The following TBL1X variants were observed in gnomAD, a reference collection of about 807,000 sequenced individuals.
TBL1X encodes the protein transducin beta like 1 X-linked.
In TBL1X, 10 loss-of-function variants were observed where a neutral mutation model predicts 50.7. That is an observed-to-expected ratio of 0.20 (90% confidence interval 0.12 to 0.33). TBL1X has a LOEUF of 0.33. Ranked by LOEUF, TBL1X falls within the 10% of genes least tolerant of loss-of-function variation. TBL1X has a pLI of 1.00. For synonymous variants in TBL1X, 190 were observed against 214.7 expected, an observed-to-expected ratio of 0.88 and a Z score of 1.01; for missense variants, 340 against 504.4, an observed-to-expected ratio of 0.67 and a Z score of 3.12.
intron 1 of TBL1X, among the ~76,000 whole-genome samples, chrX:9,492,878 T>TA (rs1246479874): frequency 0.029 from 1,493 of 50,852 alleles, 63 homozygotes; most frequent in African/African-American, 0.083. Flanking sequence ...TGTGTGTGTG[T>TA]GTGTGTGTGT....
chrX:9,650,925 A>G (rs888140465), intron 3 of TBL1X, among the ~76,000 whole-genome samples: 1 of 106,826 alleles, frequency 9.4e-6, no homozygotes, highest in Non-Finnish European at 1.9e-5. Flanking sequence ...TTCCTTATCT[A>G]CCGTCTTTCA....
At position 9,684,204 on chromosome X, in the gene TBL1X, GC is replaced by G; in HGVS notation, c.357+19del. The G allele has an allele frequency of 8.3e-7, 1 of 1,210,995 alleles. No homozygotes were observed. The highest frequency in any genetic ancestry group is 1.7e-5 in the African/African-American group (1 of 57,783). On this transcript the variant is annotated intron_variant, in intron 6 of 17. Transcript: ENST00000645353. Reference sequence around the variant, plus strand: ...TATCAACGAGGTACGTAGCTGCTGGGCCCGGCCCCCAAACAGCAGAGCCCTG... The same window carrying G: ...TATCAACGAGGTACGTAGCTGCTGGGCCGGCCCCCAAACAGCAGAGCCCTG...
intron 3 of TBL1X, among the ~76,000 whole-genome samples, chrX:9,653,240 G>A (rs1256114321): frequency 8.9e-6 from 1 of 112,959 alleles, no homozygotes; most frequent in Non-Finnish European, 1.9e-5. Context: ...CAGCTGTTTG[G>A]AGTGAGCAGC....
chrX:9,697,606 A>T (rs763402135), intron 12 of TBL1X, among the ~76,000 whole-genome samples, 177 bp downstream of exon 12: 2 of 111,590 alleles, frequency 1.8e-5, no homozygotes, highest in Non-Finnish European at 3.8e-5. Context: ...ACCCATCACT[A>T]CAAAAAATAC....
chrX:9,486,405 T>G (rs905754351), intron 1 of TBL1X, among the ~76,000 whole-genome samples: 1 of 109,836 alleles, frequency 9.1e-6, no homozygotes, highest in Non-Finnish European at 1.9e-5. Context: ...GGTTAATTTT[T>G]GTATTTTTTG....
chrX:9,581,791 G>T (rs775964401), intron 2 of TBL1X, among the ~76,000 whole-genome samples: 2 of 112,231 alleles, frequency 1.8e-5, no homozygotes, highest in African/African-American at 6.5e-5. Flanking sequence ...CTGAAACGCC[G>T]TTGGAAACAT....
intron 3 of TBL1X, among the ~76,000 whole-genome samples, chrX:9,648,672 C>T (rs1180224611): frequency 2.7e-5 from 3 of 112,234 alleles, no homozygotes; most frequent in Non-Finnish European, 5.6e-5. Flanking sequence ...TAGGAAATGT[C>T]GCCCAGACAG....
intron 1 of TBL1X, among the ~76,000 whole-genome samples, chrX:9,475,455 A>C (rs1484279854): frequency 2.7e-5 from 3 of 109,710 alleles, no homozygotes; most frequent in Non-Finnish European, 5.7e-5. Context: ...CATGTTGGCC[A>C]GGCTGGTTTC....
At chrX:9,623,090 G>A (rs183270213) in intron 2 of TBL1X, among the ~76,000 whole-genome samples, 2 of 111,362 alleles carry the variant, frequency 1.8e-5, no homozygotes, top group African/African-American at 6.5e-5. Flanking sequence ...TGTGAGATGT[G>A]ATAAAGGTAG....
intron 2 of TBL1X, among the ~76,000 whole-genome samples, chrX:9,566,518 C>T (rs144380397): frequency 8.9e-6 from 1 of 111,848 alleles, no homozygotes; most frequent in African/African-American, 3.3e-5. Context: ...TATTAGTCAG[C>T]GTCTGGCTCT....
chrX:9,675,550 G>A (rs2082988373), intron 5 of TBL1X, among the ~76,000 whole-genome samples: 1 of 111,297 alleles, frequency 9.0e-6, no homozygotes, highest in African/African-American at 3.3e-5. Context: ...AAGAGAACAG[G>A]GATACAATAT....
chrX:9,650,354 T>TTC lies in TBL1X; in HGVS notation c.-42-3191_-42-3190insTC, dbSNP rs767362072. ...CCTGGAACAGGCTTGCTTTTTTTTT[T>TTC]CCCCCAGAGTAAAAGAGGAAAGGAG... On this transcript the variant is annotated intron_variant, in intron 3 of 17. Transcript: ENST00000645353. Among the ~76,000 whole-genome samples, 253 of 111,288 alleles carry TTC rather than the reference T, an allele frequency of 2.3e-3. 2 individuals are homozygous for TTC. The highest frequency in any genetic ancestry group is 7.9e-3 in the African/African-American group (243 of 30,639).
chrX:9,619,673 TAGTG>T (rs776035648), intron 2 of TBL1X, among the ~76,000 whole-genome samples: 16 of 112,526 alleles, frequency 1.4e-4, no homozygotes, highest in East Asian at 2.8e-4. Context: ...GTAGTTAAAA[TAGTG>T]AGGACACTGA....
chrX:9,595,020 A>C (rs1205515644), intron 2 of TBL1X, among the ~76,000 whole-genome samples: 1 of 111,951 alleles, frequency 8.9e-6, no homozygotes, highest in Non-Finnish European at 1.9e-5. Flanking sequence ...CGCTGGGTCA[A>C]CTACCAGTCT....
At chrX:9,531,035 T>A (rs1287034020) in intron 2 of TBL1X, 3 of 111,774 alleles carry the variant, frequency 2.7e-5, no homozygotes, top group Non-Finnish European at 5.6e-5. Flanking sequence ...GCCGGGTGCA[T>A]TGCATTAAGA....
intron 16 of TBL1X, among the ~76,000 whole-genome samples, chrX:9,713,023 G>A (rs1434378055): frequency 9.0e-6 from 1 of 111,340 alleles, no homozygotes; most frequent in African/African-American, 3.3e-5. Context: ...TTGACATTCA[G>A]GTGGATTTAT....
intron 5 of TBL1X, among the ~76,000 whole-genome samples, chrX:9,663,284 T>C (rs770288735): frequency 2.1e-4 from 24 of 111,974 alleles, no homozygotes; most frequent in African/African-American, 7.8e-4. Flanking sequence ...GTGGCTTATT[T>C]ATAATAGCAA....
At chrX:9,687,089 G>C (rs1326462685) in intron 6 of TBL1X, among the ~76,000 whole-genome samples, 1 of 112,410 alleles carries the variant, frequency 8.9e-6, no homozygotes, top group African/African-American at 3.2e-5. Flanking sequence ...TGCACATCCA[G>C]ATACAACCCC....
chrX:9,493,002 A>C (rs1245743416), intron 1 of TBL1X, among the ~76,000 whole-genome samples: 1 of 110,457 alleles, frequency 9.1e-6, no homozygotes, highest in Non-Finnish European at 1.9e-5. Context: ...TTTCTGAGCC[A>C]GTGATGAATG....
Sources: allele counts gnomAD v4.1 joint callset (sites outside exome capture counted in the v4.1 genomes callset), GRCh38; gene constraint gnomAD v4.1.1; transcripts MANE v1.5; gene names NCBI Gene and HGNC (gene_info 2026-07-23, HGNC 2026-07-21).